MAPRE2: variants seen among roughly 807,000 people sequenced by gnomAD.
The protein encoded by MAPRE2 is microtubule associated protein RP/EB family member 2, also known as microtubule-associated protein RP/EB family member 2.
A neutral mutation model predicts 43.2 loss-of-function variants in MAPRE2; 13 were observed. That is an observed-to-expected ratio of 0.30 (90% CI 0.20 to 0.48). The LOEUF (loss-of-function observed/expected upper bound fraction) is 0.48, where lower values mean the gene tolerates loss of function less well. Among genes scored for constraint, MAPRE2 ranks in the 20% least tolerant of loss-of-function variants. The pLI is 0.99. For synonymous variants in MAPRE2, 135 were observed against 148.8 expected (o/e 0.91, Z 0.68); for missense variants, 161 against 400.2 (o/e 0.40, Z 5.10).
chr18:35,139,271 C>T (rs1209581319), intron 6 of MAPRE2, among the ~76,000 whole-genome samples: 2 of 152,156 alleles, frequency 1.3e-5, no homozygotes, highest in African/African-American at 2.4e-5. Flanking sequence ...GGCATGGGCA[C>T]TTCCATATGT....
chr18:35,037,863 G>T (rs951645313), upstream of MAPRE2, among the ~76,000 whole-genome samples: 3 of 152,122 alleles, frequency 2.0e-5, no homozygotes, highest in African/African-American at 7.2e-5. Context: ...CTGCAAGATG[G>T]TGTCTGTAGG....
At chr18:35,027,510 T>C (rs1382752331) in intron 2 of MAPRE2, among the ~76,000 whole-genome samples, 1 of 152,132 alleles carries the variant, frequency 6.6e-6, no homozygotes, top group Non-Finnish European at 1.5e-5. Flanking sequence ...TGAGGAAGCC[T>C]TTATGAAGAC....
chr18:35,003,120 C>T lies in MAPRE2; in HGVS notation c.-69-2372C>T, dbSNP rs75923415. On this transcript the variant is annotated intron_variant, in intron 1 of 7. Coordinates refer to the MAPRE2 transcript ENST00000413393. ...ATGAGAGCTCTACTCCTGCCAAACA[C>T]AGCAGGAGCAAGCTTTGCCTCACTC... Among the ~76,000 whole-genome samples the T allele has an allele frequency of 9.1e-3, 1,381 of 152,256 alleles. 21 individuals carry two copies. The highest frequency in any genetic ancestry group is 0.032 in the African/African-American group (1,309 of 41,524).
chr18:35,055,283 C>T (rs112924505), intron 1 of MAPRE2, among the ~76,000 whole-genome samples: 25 of 152,254 alleles, frequency 1.6e-4, no homozygotes, highest in African/African-American at 4.6e-4. Context: ...TGTCTCTTCC[C>T]GCTTCTTTTG....
intron 2 of MAPRE2, among the ~76,000 whole-genome samples, chr18:35,035,436 A>G (rs1841637958): frequency 6.6e-6 from 1 of 151,930 alleles, no homozygotes; most frequent in African/African-American, 2.4e-5. Context: ...TGGGTGCAGC[A>G]CACCAGCATG....
At chr18:34,993,201 C>T (rs1480313978) in intron 1 of MAPRE2, among the ~76,000 whole-genome samples, 1 of 151,576 alleles carries the variant, frequency 6.6e-6, no homozygotes, top group Non-Finnish European at 1.5e-5. Flanking sequence ...AACTCCCGGG[C>T]TCAAGTGACC....
intron 2 of MAPRE2, among the ~76,000 whole-genome samples, chr18:35,088,781 G>A (rs1447713737): frequency 6.6e-6 from 1 of 152,132 alleles, no homozygotes; most frequent in East Asian, 1.9e-4. Flanking sequence ...TGGTCAATAA[G>A]GCCAAATACT....
intron 1 of MAPRE2, among the ~76,000 whole-genome samples, chr18:35,060,099 T>A (rs1349539022): frequency 6.6e-6 from 1 of 152,190 alleles, no homozygotes; most frequent in Non-Finnish European, 1.5e-5. Context: ...CCCACTATGG[T>A]ACCAGCAGCA....
intron 2 of MAPRE2, among the ~76,000 whole-genome samples, chr18:35,084,247 C>G (rs768105079): frequency 6.9e-4 from 105 of 152,000 alleles, no homozygotes; most frequent in Non-Finnish European, 1.3e-3. Flanking sequence ...GCACTCCAGC[C>G]TGGGTGACAG....
chr18:35,120,953 C>T (rs1603403165), intron 4 of MAPRE2, among the ~76,000 whole-genome samples: 1 of 152,102 alleles, frequency 6.6e-6, no homozygotes, highest in African/African-American at 2.4e-5. Context: ...TTGGGATTGA[C>T]CATGACCAGA....
At chr18:35,128,572 G>A (rs891472722) in intron 5 of MAPRE2, among the ~76,000 whole-genome samples, 1 of 152,174 alleles carries the variant, frequency 6.6e-6, no homozygotes, top group African/African-American at 2.4e-5. Context: ...ATAATTTAAA[G>A]TATACAGGAG....
intron 4 of MAPRE2, among the ~76,000 whole-genome samples, chr18:35,107,033 G>A (rs1216686978): frequency 6.6e-6 from 1 of 152,126 alleles, no homozygotes; most frequent in Non-Finnish European, 1.5e-5. Context: ...AGTTACTATA[G>A]CAACGACAGC....
rs77091397 is a variant in MAPRE2, at chr18:35,125,833, T to C, written c.611-1115T>C. ...CCTGAAACCAATGGTTTTTCTTTTT[T>C]CCACTTCACAACATTATTAGTGATG... On this transcript the variant is annotated intron_variant, in intron 4 of 6. Coordinates refer to ENST00000300249, the MANE Select transcript of MAPRE2 (RefSeq NM_014268.4). Among the ~76,000 whole-genome samples, 700 of 152,342 alleles carry C rather than the reference T, an allele frequency of 4.6e-3. 2 individuals carry two copies. The highest frequency in any genetic ancestry group is 0.016 in the African/African-American group (654 of 41,582).
In MAPRE2 at chr18:35,072,228, A is replaced by G. The variant is rs1474055359; in HGVS notation, c.250+1906A>G. 2.6e-5 allele frequency among the ~76,000 whole-genome samples: 4 copies of G among 152,270 alleles called. No homozygotes were observed. The South Asian group carries it at 6.2e-4, about 24-fold the overall frequency. ...TTAGCAATCACTTTGTTGATAACAC[A>G]TACCCCTTTGTATTGTAATTGTGAA... On this transcript the variant is annotated intron_variant, in intron 2 of 6. Transcript: ENST00000300249.
chr18:35,037,829 A>T (rs1220648479), upstream of MAPRE2, among the ~76,000 whole-genome samples: 1 of 152,102 alleles, frequency 6.6e-6, no homozygotes, highest in African/African-American at 2.4e-5. Flanking sequence ...CGATCTCTAT[A>T]TATCTTTCCT....
At chr18:35,090,454 G>A (rs565610826) in intron 2 of MAPRE2, among the ~76,000 whole-genome samples, 4 of 152,214 alleles carry the variant, frequency 2.6e-5, no homozygotes, top group South Asian at 2.1e-4. Context: ...ACTCAGGGCC[G>A]GGCATGGTGG....
intron 1 of MAPRE2, among the ~76,000 whole-genome samples, chr18:34,980,255 C>A (rs896951591): frequency 1.3e-5 from 2 of 151,978 alleles, no homozygotes; most frequent in African/African-American, 4.8e-5. Context: ...GAACTCCTGA[C>A]CTGAGGTGAT....
chr18:35,056,539 C>A (rs960983607), intron 1 of MAPRE2, among the ~76,000 whole-genome samples: 1 of 152,108 alleles, frequency 6.6e-6, no homozygotes, highest in Non-Finnish European at 1.5e-5. Context: ...GGTATGGAGG[C>A]AGGATGGGGA....
intron 2 of MAPRE2, among the ~76,000 whole-genome samples, chr18:35,009,350 C>A (rs11659944): frequency 0.59 from 90,229 of 151,916 alleles, 27,250 homozygotes; most frequent in East Asian, 0.69. Context: ...ATAGAGGTGA[C>A]CAAGGCAGAG....
Sources: gnomAD v4.1 joint callset for allele counts (sites outside exome capture counted in the v4.1 genomes callset) on GRCh38, gnomAD v4.1.1 for gene constraint, MANE v1.5 for transcripts, NCBI Gene and HGNC (gene_info 2026-07-23, HGNC 2026-07-21) for gene names.